TMEM117: variants seen among roughly 807,000 people sequenced by gnomAD.
TMEM117 encodes the protein transmembrane protein 117.
TMEM117 carries 27 observed loss-of-function variants against 52.4 expected under a neutral mutation model. That is an observed-to-expected ratio of 0.51 (90% CI 0.38 to 0.71). TMEM117 has a LOEUF of 0.71. Among genes scored for constraint, TMEM117 ranks in the 30% least tolerant of loss-of-function variants. TMEM117 has a pLI of 0.00. For synonymous variants in TMEM117, 215 were observed against 206.3 expected (o/e 1.04, Z -0.36); for missense variants, 556 against 630.5 (o/e 0.88, Z 1.26).
At chr12:44,279,989 A>G (rs1216154591) in intron 5 of TMEM117, among the ~76,000 whole-genome samples, 1 of 152,178 alleles carries the variant, frequency 6.6e-6, no homozygotes, top group Non-Finnish European at 1.5e-5. Flanking sequence ...TTCTTAAGCT[A>G]TCTCTGGCTA....
intron 3 of TMEM117, among the ~76,000 whole-genome samples, chr12:44,001,800 G>A (rs930362349): frequency 6.6e-6 from 1 of 152,054 alleles, no homozygotes; most frequent in Non-Finnish European, 1.5e-5. Context: ...GCAGCTTTAC[G>A]AGTGGAAGAG....
At chr12:44,176,990 A>G (rs1031626722) in intron 4 of TMEM117, among the ~76,000 whole-genome samples, 2 of 152,188 alleles carry the variant, frequency 1.3e-5, no homozygotes, top group African/African-American at 4.8e-5. Flanking sequence ...AAAGTTCTGC[A>G]TGACTGTAAA....
At chr12:44,081,422 A>AT (rs1355239750) in intron 3 of TMEM117, among the ~76,000 whole-genome samples, 2 of 152,032 alleles carry the variant, frequency 1.3e-5, no homozygotes, top group African/African-American at 2.4e-5. Context: ...TCCTCAGTTC[A>AT]TTTTTTGTGG....
At chr12:44,185,065 C>T (rs1202267070) in intron 4 of TMEM117, among the ~76,000 whole-genome samples, 1 of 152,168 alleles carries the variant, frequency 6.6e-6, no homozygotes, top group Non-Finnish European at 1.5e-5. Flanking sequence ...AATTTAGGTG[C>T]TCTTACTCTG....
At chr12:43,990,219 C>A (rs903641624) in intron 3 of TMEM117, among the ~76,000 whole-genome samples, 9 of 152,170 alleles carry the variant, frequency 5.9e-5, no homozygotes, top group Admixed American at 1.3e-4. Flanking sequence ...CAGCTGTTAA[C>A]CATCTGCCTG....
intron 4 of TMEM117, among the ~76,000 whole-genome samples, chr12:44,151,706 TG>T (rs1367233600): frequency 1.3e-5 from 2 of 150,764 alleles, no homozygotes; most frequent in Non-Finnish European, 2.9e-5. Flanking sequence ...TATTAGAACT[TG>T]AAAAAAGAAG....
downstream of TMEM117, among the ~76,000 whole-genome samples, chr12:44,394,701 A>G (rs1565791101): frequency 6.6e-6 from 1 of 152,144 alleles, no homozygotes; most frequent in South Asian, 2.1e-4. Flanking sequence ...CCAGTAATCC[A>G]CCACCTTTCA....
Position 44,119,292 on chromosome 12 carries a change from GAGCTTGCAGAGGATGTTT to G in TMEM117, c.411-24231_411-24214del, listed in dbSNP as rs566438090. 5.5e-3 allele frequency among the ~76,000 whole-genome samples: 831 copies of G among 152,188 alleles called. 11 individuals carry two copies. The highest frequency in any genetic ancestry group is 0.019 in the African/African-American group (799 of 41,540). Reference sequence around the variant, plus strand: ...TTTGATAGTTTCATCATTTTTTCATGAGCTTGCAGAGGATGTTTATGTAGTGAAAAGCTGACCACCTCA... The same window carrying G: ...TTTGATAGTTTCATCATTTTTTCATGATGTAGTGAAAAGCTGACCACCTCA... On this transcript the variant is annotated intron_variant, in intron 3 of 7. Transcript: ENST00000266534.
chr12:44,398,081 GTTT>G, the TMEM117 span, among the ~76,000 whole-genome samples: 23 of 139,456 alleles, frequency 1.6e-4, no homozygotes, highest in South Asian at 4.7e-3. Flanking sequence ...GTGGGTGGTT[GTTT>G]TTTTTTTTTG....
At chr12:43,899,373 G>A (rs1484816470) in intron 2 of TMEM117, among the ~76,000 whole-genome samples, 5 of 152,094 alleles carry the variant, frequency 3.3e-5, no homozygotes, top group Non-Finnish European at 5.9e-5. Flanking sequence ...TTTCTTCATC[G>A]TTAAAAATAT....
chr12:44,286,643 G>T (rs1283292680), intron 5 of TMEM117, among the ~76,000 whole-genome samples: 1 of 152,092 alleles, frequency 6.6e-6, no homozygotes, highest in East Asian at 1.9e-4. Context: ...TAAAGTAAAA[G>T]TTCCGTATTT....
chr12:44,376,756 T>C, intron 7 of TMEM117, 32 bp downstream of exon 7: 3 of 1,568,616 alleles, frequency 1.9e-6, no homozygotes, highest in Non-Finnish European at 2.6e-6. Flanking sequence ...AATTTGATTA[T>C]CTTCGTACAT....
At chr12:43,797,803 G>A in the TMEM117 span, 1 of 1,613,378 alleles carries the variant, frequency 6.2e-7, no homozygotes, top group Non-Finnish European at 8.5e-7. Context: ...AGTGTTTGAT[G>A]CTTAGTGTCC....
chr12:44,172,849 CG>C (rs1949066469), intron 4 of TMEM117, among the ~76,000 whole-genome samples: 1 of 152,008 alleles, frequency 6.6e-6, no homozygotes, highest in Non-Finnish European at 1.5e-5. Flanking sequence ...CTCAGCCTCC[CG>C]AGTAGCTAGG....
chr12:44,124,142 A>T (rs182718352), intron 3 of TMEM117, among the ~76,000 whole-genome samples: 1 of 151,916 alleles, frequency 6.6e-6, no homozygotes, highest in East Asian at 1.9e-4. Context: ...TGTATTCCTA[A>T]GTATTTTATT....
chr12:44,022,667 T>G (rs1002589910), intron 3 of TMEM117, among the ~76,000 whole-genome samples: 1 of 152,158 alleles, frequency 6.6e-6, no homozygotes, highest in Non-Finnish European at 1.5e-5. Flanking sequence ...CATCAAGTCT[T>G]TAGGCAGTAA....
intron 4 of TMEM117, among the ~76,000 whole-genome samples, chr12:44,173,044 C>T (rs967042464): frequency 6.6e-6 from 1 of 152,068 alleles, no homozygotes; most frequent in Non-Finnish European, 1.5e-5. Flanking sequence ...TTCTTTTTTT[C>T]AAGTTATAAC....
intron 5 of TMEM117, among the ~76,000 whole-genome samples, chr12:44,257,403 G>A (rs765659754): frequency 6.6e-6 from 1 of 151,982 alleles, no homozygotes; most frequent in Admixed American, 6.6e-5. Context: ...GCTCTGTCTC[G>A]AATCCAGATC....
chr12:44,305,950 A>G (rs550925717), intron 6 of TMEM117, among the ~76,000 whole-genome samples: 1 of 152,366 alleles, frequency 6.6e-6, no homozygotes, highest in Admixed American at 6.5e-5. Flanking sequence ...GCCATGAAAA[A>G]GAATGAAATG....
Sources: allele counts gnomAD v4.1 joint callset (sites outside exome capture counted in the v4.1 genomes callset), GRCh38; gene constraint gnomAD v4.1.1; transcripts MANE v1.5; gene names NCBI Gene and HGNC (gene_info 2026-07-23, HGNC 2026-07-21).